The following PUDP variants were observed in gnomAD, a reference collection of about 807,000 sequenced individuals.
PUDP encodes the protein pseudouridine-5'-phosphatase.
A neutral mutation model predicts 9.4 loss-of-function variants in PUDP; 8 were observed. The observed-to-expected ratio is 0.85, with a 90% CI of 0.50 to 1.53. The LOEUF is 1.53. Among genes scored for constraint, PUDP ranks in the 40% most tolerant of loss-of-function variants. The probability of loss-of-function intolerance (pLI) is 0.00; values close to 1 mark genes in which losing one functional copy is unlikely to be tolerated. For synonymous variants in PUDP, 99 were observed against 80.7 expected (o/e 1.23, Z -1.22); for missense variants, 188 against 189.7 (o/e 0.99, Z 0.05).
At chrX:6,787,114 G>A (rs1333480945) in intron 3 of PUDP, among the ~76,000 whole-genome samples, 1 of 109,804 alleles carries the variant, frequency 9.1e-6, no homozygotes, top group Non-Finnish European at 1.9e-5. Flanking sequence ...CATGGTTCAT[G>A]AAGTCTGTGA....
intron 3 of PUDP, among the ~76,000 whole-genome samples, chrX:6,928,160 T>G (rs753734286): frequency 9.0e-6 from 1 of 110,760 alleles, no homozygotes; most frequent in Admixed American, 9.6e-5. Context: ...CTTGAACTCC[T>G]GGCCTCAAGT....
At chrX:6,987,720 C>T (rs954187383) in intron 1 of PUDP, among the ~76,000 whole-genome samples, 2 of 112,048 alleles carry the variant, frequency 1.8e-5, no homozygotes, top group Non-Finnish European at 3.8e-5. Flanking sequence ...GCTGCAGCTG[C>T]AGAATTGAGC....
intron 3 of PUDP, among the ~76,000 whole-genome samples, chrX:6,789,257 T>G (rs1925698156): frequency 9.3e-6 from 1 of 107,560 alleles, no homozygotes; most frequent in Non-Finnish European, 1.9e-5. Context: ...ACGACTGCAC[T>G]CCAGCCTGGG....
chrX:7,019,271 C>T (rs369307433), intron 1 of PUDP, among the ~76,000 whole-genome samples: 3 of 112,112 alleles, frequency 2.7e-5, no homozygotes, highest in Admixed American at 9.4e-5. Context: ...GGACCCCTTT[C>T]CTGTAACATA....
In PUDP at chrX:7,050,201, G is replaced by C. The variant is rs749943163; in HGVS notation, c.*95C>G. ...CTCAGGAGGCTAAAATCACAGCGCA[G>C]GTTGGGATTGAAGAGTTGCTGATTT... On this transcript the variant is annotated 3_prime_UTR_variant, in exon 4 of 4. Transcript: ENST00000381077. 16 of 855,542 alleles carry C rather than the reference G, an allele frequency of 1.9e-5. No homozygotes were observed. The highest frequency in any genetic ancestry group is 3.2e-5 in the Admixed American group (1 of 31,272). 70.5% of individuals were successfully genotyped at this position (855,542 alleles called of 1,213,427 possible).
intron 3 of PUDP, among the ~76,000 whole-genome samples, chrX:6,744,878 T>C (rs1277267528): frequency 9.0e-6 from 1 of 111,488 alleles, no homozygotes; most frequent in Non-Finnish European, 1.9e-5. Flanking sequence ...ATAAAAACGA[T>C]CTCAATAGAA....
intron 3 of PUDP, among the ~76,000 whole-genome samples, chrX:6,756,940 T>G (rs139657987): frequency 0.011 from 1,240 of 112,019 alleles, 22 homozygotes; most frequent in African/African-American, 0.038. Flanking sequence ...AGTGGGAAGA[T>G]TTGTAGATCA....
intron 1 of PUDP, among the ~76,000 whole-genome samples, chrX:7,130,272 G>A (rs1396736853): frequency 9.1e-6 from 1 of 110,380 alleles, no homozygotes; most frequent in Non-Finnish European, 1.9e-5. Flanking sequence ...GGGTTGGGGG[G>A]ATTCAGGTTT....
chrX:6,783,139 T>C (rs1925591776), intron 3 of PUDP, among the ~76,000 whole-genome samples: 1 of 111,449 alleles, frequency 9.0e-6, no homozygotes, highest in Non-Finnish European at 1.9e-5. Context: ...GAATTGGGAG[T>C]GTCCAATATC....
chrX:6,815,173 GAA>G (rs1198524845), intron 3 of PUDP, among the ~76,000 whole-genome samples: 1 of 59,176 alleles, frequency 1.7e-5, no homozygotes. Flanking sequence ...TATTGAAAAT[GAA>G]AAAAAAAAAA....
chrX:6,837,044 G>T (rs143063885), intron 3 of PUDP, among the ~76,000 whole-genome samples: 1 of 112,512 alleles, frequency 8.9e-6, no homozygotes, highest in Non-Finnish European at 1.9e-5. Context: ...ACCAATGAGC[G>T]CATTTAAATT....
chrX:6,867,015 C>T (rs946360406), intron 3 of PUDP, among the ~76,000 whole-genome samples: 18 of 111,090 alleles, frequency 1.6e-4, no homozygotes, highest in African/African-American at 5.9e-4. Flanking sequence ...TGATTTCAAT[C>T]AGAGGAAGGC....
chrX:6,910,077 A>G (rs186355381), intron 3 of PUDP, among the ~76,000 whole-genome samples: 59 of 111,944 alleles, frequency 5.3e-4, no homozygotes, highest in Admixed American at 4.7e-3. Context: ...AGCTTCTGCT[A>G]TGCTAGGCCA....
chrX:7,033,757 T>A (rs1020355661), intron 1 of PUDP, among the ~76,000 whole-genome samples: 8 of 111,637 alleles, frequency 7.2e-5, no homozygotes, highest in Non-Finnish European at 1.3e-4. Context: ...AGGGAGGGCA[T>A]CAACATGGAT....
At chrX:6,876,824 T>C (rs1473988066) in intron 3 of PUDP, among the ~76,000 whole-genome samples, 3 of 110,763 alleles carry the variant, frequency 2.7e-5, no homozygotes, top group African/African-American at 1.0e-4. Context: ...CATATATGTG[T>C]GTACCTATAG....
At chrX:7,015,586 T>C (rs1402403655) in intron 1 of PUDP, among the ~76,000 whole-genome samples, 1 of 111,491 alleles carries the variant, frequency 9.0e-6, no homozygotes, top group Non-Finnish European at 1.9e-5. Flanking sequence ...TTGTTTTCTC[T>C]TTTCAAGAGG....
At chrX:6,878,504 C>T (rs1317240616) in intron 3 of PUDP, among the ~76,000 whole-genome samples, 1 of 110,481 alleles carries the variant, frequency 9.1e-6, no homozygotes, top group Non-Finnish European at 1.9e-5. Context: ...TACAGGTGCA[C>T]ACCACTATGC....
chrX:6,738,525 G>C (rs1294301091), intron 3 of PUDP, among the ~76,000 whole-genome samples: 1 of 111,677 alleles, frequency 9.0e-6, no homozygotes, highest in East Asian at 2.8e-4. Context: ...GTTACCCTTA[G>C]ATTTTTCCTA....
At chrX:6,715,017 A>G in intron 1 of PUDP, among the ~76,000 whole-genome samples, 1 of 102,046 alleles carries the variant, frequency 9.8e-6, no homozygotes, top group Non-Finnish European at 1.9e-5. Flanking sequence ...GTGTGTGTGT[A>G]CATATTTTAT....
Sources: gnomAD v4.1 joint callset for allele counts (sites outside exome capture counted in the v4.1 genomes callset) on GRCh38, gnomAD v4.1.1 for gene constraint, MANE v1.5 for transcripts, NCBI Gene and HGNC (gene_info 2026-07-23, HGNC 2026-07-21) for gene names.